Variants in SNX13 observed in about 807,000 individuals in gnomAD.
The protein encoded by SNX13 is sorting nexin 13, also known as sorting nexin-13.
SNX13 carries 45 observed loss-of-function variants against 133.6 expected under a neutral mutation model. The ratio of observed to expected loss-of-function variants is 0.34; its 90% CI spans 0.27 to 0.43. The LOEUF (loss-of-function observed/expected upper bound fraction) is 0.43, where lower values mean the gene tolerates loss of function less well. Among genes scored for constraint, SNX13 ranks in the 20% least tolerant of loss-of-function variants. The pLI is 1.00. For missense variants in SNX13, 1,032 were observed against 1,145.1 expected (o/e 0.90, Z 1.43); for synonymous variants, 414 against 373.9 (o/e 1.11, Z -1.24).
chr7:17,798,135 A>G (rs1341153265), intron 24 of SNX13, among the ~76,000 whole-genome samples: 1 of 151,762 alleles, frequency 6.6e-6, no homozygotes, highest in African/African-American at 2.4e-5. Context: ...TACTATCTGT[A>G]CTTTCCTCAA....
chr7:17,936,911 C>T (rs769122635), intron 1 of SNX13, among the ~76,000 whole-genome samples: 1 of 148,176 alleles, frequency 6.7e-6, no homozygotes, highest in East Asian at 2.0e-4. Context: ...TACACTATGA[C>T]AAATTTTTTG....
chr7:17,920,360 T>C (rs554619602), intron 1 of SNX13, among the ~76,000 whole-genome samples: 2 of 152,282 alleles, frequency 1.3e-5, no homozygotes, highest in Non-Finnish European at 2.9e-5. Flanking sequence ...AAAATATATT[T>C]GAATATTTTT....
At position 17,802,650 on chromosome 7, in the gene SNX13, A is replaced by C. The variant is rs1784761413; in HGVS notation, c.2226+769T>G. Reference sequence around the variant, plus strand: ...AATGAGGCATCAGAGAAAGTATGAGAATTAACAGAAAAGTATGATTTACAC... The same window carrying C: ...AATGAGGCATCAGAGAAAGTATGAGCATTAACAGAAAAGTATGATTTACAC... On this transcript the variant is annotated intron_variant, in intron 21 of 25. Transcript: ENST00000428135. Among the ~76,000 whole-genome samples the C allele has an allele frequency of 2.0e-5, 3 of 152,142 alleles. No individual in the cohort carries two copies. The South Asian group carries it at 6.2e-4, about 31-fold the overall frequency.
At chr7:17,902,102 G>C (rs1797900257) in intron 1 of SNX13, among the ~76,000 whole-genome samples, 1 of 152,064 alleles carries the variant, frequency 6.6e-6, no homozygotes, top group Admixed American at 6.5e-5. Flanking sequence ...TATTCTAACA[G>C]GTGTTTTATT....
At chr7:17,814,559 A>G (rs1786432242) in intron 20 of SNX13, among the ~76,000 whole-genome samples, 2 of 152,136 alleles carry the variant, frequency 1.3e-5, no homozygotes, top group Admixed American at 6.5e-5. Context: ...AAAGATAACG[A>G]AAAGCTTGTG....
intron 12 of SNX13, among the ~76,000 whole-genome samples, chr7:17,845,381 G>A (rs1164160801): frequency 6.6e-6 from 1 of 152,096 alleles, no homozygotes; most frequent in Non-Finnish European, 1.5e-5. Context: ...GAGAGTGTGA[G>A]GAATGGAGAG....
chr7:17,861,727 G>A (rs1792728289), intron 9 of SNX13, among the ~76,000 whole-genome samples: 1 of 152,160 alleles, frequency 6.6e-6, no homozygotes, highest in Admixed American at 6.5e-5. Context: ...GTGCATGTGG[G>A]CAGCCCACCC....
Position 17,814,908 on chromosome 7 carries a change from C to T in SNX13, c.1990G>A (p.Ala664Thr), listed in dbSNP as rs777036793. ...LAPEMMKASP[A>T]LAHYVYDFLE... ...AAATCATACACATAGTGAGCTAAAG[C>T]GGGGGATGCCTTCATCATTTCAGGA... The change falls in exon 20 of 26, where the codon GCT becomes ACT. Residue 664 changes from alanine (A) to threonine (T), a missense_variant. Coordinates refer to ENST00000428135, the MANE Select transcript of SNX13 (RefSeq NM_015132.5). 5.3e-6 allele frequency: 8 copies of T among 1,523,300 alleles called. No individual in the cohort carries two copies. Among genetic ancestry groups the T allele is most frequent in the Admixed American group, 2.4e-5 (1 of 41,364 alleles). The allele number at this position is 1,523,300 out of a possible 1,614,324, so 94.4% of individuals were successfully genotyped here.
In SNX13 at chr7:17,801,659, C is replaced by G; in HGVS notation, c.2227G>C (p.Val743Leu). ...GQDIKQSFFK[V>L]PPLIPKTDSD... ...TCAGTCTTAGGAATTAAAGGAGGCA[C>G]CTAAAAATAAAACCAAATCCACAAA... The change falls in exon 22 of 26, where the codon GTG becomes CTG. Residue 743 changes from valine to leucine, a missense_variant and splice_region_variant. Val to Leu is a conservative substitution (Grantham distance 32, BLOSUM62 1). Transcript: ENST00000428135. 2 of 1,603,730 alleles carry G rather than the reference C, an allele frequency of 1.2e-6. No homozygotes were observed. Among genetic ancestry groups the G allele is most frequent in the South Asian group, 2.3e-5 (2 of 88,614 alleles).
intron 5 of SNX13, chr7:17,882,908 G>A (rs962874514): frequency 2.7e-6 from 3 of 1,128,110 alleles, no homozygotes; most frequent in Non-Finnish European, 3.6e-6. Flanking sequence ...CCGAGATTGC[G>A]CCATTGTACT....
chr7:17,844,943 A>C (rs1790314314), intron 12 of SNX13, among the ~76,000 whole-genome samples: 1 of 152,130 alleles, frequency 6.6e-6, no homozygotes, highest in South Asian at 2.1e-4. Context: ...TAATATACTC[A>C]ATGATGAAAG....
chr7:17,817,290 A>T (rs1468393783), intron 18 of SNX13, among the ~76,000 whole-genome samples: 1 of 152,252 alleles, frequency 6.6e-6, no homozygotes, highest in Non-Finnish European at 1.5e-5. Context: ...GTTTAAGAGC[A>T]AAGTCATTTA....
chr7:17,861,311 CACACA>C (rs1562793464), intron 9 of SNX13, among the ~76,000 whole-genome samples: 1 of 150,914 alleles, frequency 6.6e-6, no homozygotes, highest in African/African-American at 2.4e-5. Flanking sequence ...TGGCAGTTAT[CACACA>C]TACAGTTATC....
At chr7:17,830,355 C>T (rs950151746) in intron 15 of SNX13, 31 of 984,030 alleles carry the variant, frequency 3.2e-5, no homozygotes, top group Non-Finnish European at 3.6e-5. Flanking sequence ...AGTAAGTTGC[C>T]TAATACAATA....
chr7:17,909,367 T>G (rs147240754), intron 1 of SNX13, among the ~76,000 whole-genome samples: 1 of 152,176 alleles, frequency 6.6e-6, no homozygotes, highest in Non-Finnish European at 1.5e-5. Flanking sequence ...CCCAAAGGAA[T>G]AGAAATCATT....
At chr7:17,866,675 T>C (rs907725764) in intron 9 of SNX13, among the ~76,000 whole-genome samples, 2 of 152,120 alleles carry the variant, frequency 1.3e-5, no homozygotes, top group Non-Finnish European at 2.9e-5. Flanking sequence ...ACTGAACTCA[T>C]GGAGATACAG....
intron 1 of SNX13, among the ~76,000 whole-genome samples, chr7:17,910,899 G>A (rs993128317): frequency 6.6e-6 from 1 of 152,176 alleles, no homozygotes; most frequent in Non-Finnish European, 1.5e-5. Flanking sequence ...GGGCGGAAGA[G>A]GAAAATGGCT....
rs201035116 is a variant in SNX13 at position 17,840,695 on chromosome 7, GA to G, written c.1166-696del. Among the ~76,000 whole-genome samples, 58 of 152,048 alleles carry G rather than the reference GA, an allele frequency of 3.8e-4. 1 individual carries two copies. In the East Asian group the frequency reaches 0.01, roughly 27 times the overall value. ...AAGCTCTACCTCCATGGTTTCTAAA[GA>G]AAAACATTTCAGAGAATAAAGGCTG... On this transcript the variant is annotated intron_variant, in intron 12 of 25. Coordinates refer to ENST00000428135, the MANE Select transcript of SNX13 (RefSeq NM_015132.5).
intron 1 of SNX13, among the ~76,000 whole-genome samples, chr7:17,918,745 T>C (rs1799821115): frequency 6.6e-6 from 1 of 152,208 alleles, no homozygotes; most frequent in Non-Finnish European, 1.5e-5. Context: ...CACAATCCCA[T>C]TACTGGGTAT....
Sources: allele counts gnomAD v4.1 joint callset (sites outside exome capture counted in the v4.1 genomes callset), GRCh38; gene constraint gnomAD v4.1.1; transcripts MANE v1.5; gene names NCBI Gene and HGNC (gene_info 2026-07-23, HGNC 2026-07-21).